Variants in ZNF782 observed in about 807,000 individuals in gnomAD.
ZNF782 encodes zinc finger protein 782.
A neutral mutation model predicts 13.0 loss-of-function variants in ZNF782; 12 were observed. The ratio of observed to expected loss-of-function variants is 0.92; its 90% confidence interval spans 0.59 to 1.50. The LOEUF is 1.50. Among genes scored for constraint, ZNF782 ranks in the 40% most tolerant of loss-of-function variants. The pLI is 0.00. For missense variants in ZNF782, 770 were observed against 822.9 expected (o/e 0.94, Z 0.79); for synonymous variants, 284 against 283.0 (o/e 1.00, Z -0.04).
At chr9:96,823,956 G>A (rs1224680115) in intron 5 of ZNF782, among the ~76,000 whole-genome samples, 1 of 152,152 alleles carries the variant, frequency 6.6e-6, no homozygotes, top group Non-Finnish European at 1.5e-5. Flanking sequence ...CAGATTCACA[G>A]CCGAATTCTA....
At chr9:96,826,939 C>A (rs374717874) in intron 5 of ZNF782, 141 bp downstream of exon 5, 58 of 545,396 alleles carry the variant, frequency 1.1e-4, no homozygotes, top group Middle Eastern at 5.0e-4. Flanking sequence ...AACTTTGCCC[C>A]ATGCACCTTT....
the ZNF782 span, among the ~76,000 whole-genome samples, chr9:96,917,252 T>C: frequency 1.5e-5 from 2 of 131,208 alleles, no homozygotes; most frequent in African/African-American, 5.8e-5. Context: ...TTCCATTTCT[T>C]ACCTACATTT....
At chr9:96,832,233 G>A (rs1850828184) in intron 4 of ZNF782, among the ~76,000 whole-genome samples, 1 of 152,138 alleles carries the variant, frequency 6.6e-6, no homozygotes, top group Non-Finnish European at 1.5e-5. Flanking sequence ...TTTGCTGGTT[G>A]AGGTGGAGTG....
intron 1 of ZNF782, among the ~76,000 whole-genome samples, chr9:96,869,106 A>T (rs1449631614): frequency 6.6e-6 from 1 of 152,130 alleles, no homozygotes; most frequent in African/African-American, 2.4e-5. Context: ...TCAAACACCA[A>T]TGCCAACATC....
At chr9:96,839,456 T>C (rs1350512786) in intron 4 of ZNF782, among the ~76,000 whole-genome samples, 2 of 152,118 alleles carry the variant, frequency 1.3e-5, no homozygotes, top group Non-Finnish European at 2.9e-5. Flanking sequence ...CTAGTGGTTT[T>C]AGCTGTACTT....
At chr9:96,830,851 T>C (rs1217238957) in intron 4 of ZNF782, among the ~76,000 whole-genome samples, 1 of 151,940 alleles carries the variant, frequency 6.6e-6, no homozygotes, top group Non-Finnish European at 1.5e-5. Flanking sequence ...GAAACAAAAA[T>C]AGAAAGTCTC....
chr9:96,821,375 AC>A (rs1313583939), intron 5 of ZNF782, among the ~76,000 whole-genome samples: 1 of 152,128 alleles, frequency 6.6e-6, no homozygotes, highest in East Asian at 1.9e-4. Flanking sequence ...ACCTATGTAG[AC>A]TCTAGATGTC....
the ZNF782 span, chr9:96,887,625 C>G: frequency 6.6e-6 from 1 of 152,146 alleles, no homozygotes; most frequent in East Asian, 1.9e-4. Flanking sequence ...CCTCAGGGAT[C>G]TAGAACTAGA....
chr9:96,855,793 A>G (rs1851633505), upstream of ZNF782, among the ~76,000 whole-genome samples: 1 of 152,232 alleles, frequency 6.6e-6, no homozygotes, highest in Admixed American at 6.5e-5. Flanking sequence ...TGCTGGATCC[A>G]ATGGTAGTTC....
chr9:96,870,463 A>G (rs745404245), intron 1 of ZNF782, among the ~76,000 whole-genome samples: 1 of 152,240 alleles, frequency 6.6e-6, no homozygotes, highest in Non-Finnish European at 1.5e-5. Context: ...AAGTACTTTC[A>G]AAAGAAGAAA....
At chr9:96,922,470 T>G in the ZNF782 span, among the ~76,000 whole-genome samples, 1 of 152,262 alleles carries the variant, frequency 6.6e-6, no homozygotes, top group East Asian at 1.9e-4. Context: ...TGTTATAAAC[T>G]GGTTCAAATT....
the ZNF782 span, among the ~76,000 whole-genome samples, chr9:96,902,329 CAGG>C: frequency 7.5e-6 from 1 of 133,870 alleles, no homozygotes; most frequent in Non-Finnish European, 1.5e-5. Context: ...GAGGCTGAGG[CAGG>C]AGAATTGCTT....
the ZNF782 span, among the ~76,000 whole-genome samples, chr9:96,926,088 G>A: frequency 2.7e-4 from 34 of 127,650 alleles, no homozygotes; most frequent in Non-Finnish European, 6.3e-5. Context: ...ATACAGAAGC[G>A]ATTGCAGAAT....
At chr9:96,881,926 G>C in the ZNF782 span, among the ~76,000 whole-genome samples, 1 of 151,676 alleles carries the variant, frequency 6.6e-6, no homozygotes, top group Non-Finnish European at 1.5e-5. Context: ...TAAATGTTAA[G>C]CCTTCCTTGT....
Position 96,816,373 on chromosome 9 carries a change from G to T in ZNF782, c.*1550C>A, listed in dbSNP as rs1160278688. 1.3e-5 allele frequency: 2 copies of T among 152,120 alleles called. No individual in the cohort carries two copies. The highest frequency in any genetic ancestry group is 3.9e-4 in the East Asian group (2 of 5,186). 9.4% of individuals were successfully genotyped at this position (152,120 alleles called of 1,614,324 possible). ...ACAATTCTTTTACAGCAATGTTGAG[G>T]TCTAAGAAACATAAAACAAATACCT... On this transcript the variant is annotated 3_prime_UTR_variant, in exon 6 of 6. Coordinates refer to ENST00000481138, the MANE Select transcript of ZNF782 (RefSeq NM_001001662.3).
chr9:96,825,121 A>G (rs1357412999), intron 5 of ZNF782, among the ~76,000 whole-genome samples: 1 of 152,092 alleles, frequency 6.6e-6, no homozygotes, highest in Non-Finnish European at 1.5e-5. Context: ...AAAAAGAACA[A>G]AGCTGGAGGC....
At chr9:96,915,585 TGG>T in the ZNF782 span, among the ~76,000 whole-genome samples, 1 of 149,754 alleles carries the variant, frequency 6.7e-6, no homozygotes, top group Non-Finnish European at 1.5e-5. Context: ...TCTAGTTTTG[TGG>T]GGGAAAATCA....
chr9:96,877,615 G>A (rs1851910131), upstream of ZNF782, among the ~76,000 whole-genome samples: 1 of 152,244 alleles, frequency 6.6e-6, no homozygotes, highest in African/African-American at 2.4e-5. Context: ...CGAGATCTGG[G>A]GGCCCCGTGG....
At chr9:96,922,418 G>A in the ZNF782 span, among the ~76,000 whole-genome samples, 21 of 152,252 alleles carry the variant, frequency 1.4e-4, no homozygotes, top group East Asian at 1.9e-3. Flanking sequence ...TTTCTATGTC[G>A]TGGTCTGTCT....
Sources: gnomAD v4.1 joint callset for allele counts (sites outside exome capture counted in the v4.1 genomes callset) on GRCh38, gnomAD v4.1.1 for gene constraint, MANE v1.5 for transcripts, NCBI Gene and HGNC (gene_info 2026-07-23, HGNC 2026-07-21) for gene names.